WDPCP: variants seen among roughly 807,000 people sequenced by gnomAD.
WDPCP encodes WD repeat containing planar cell polarity effector.
Under a neutral mutation model 93.1 loss-of-function variants are expected in WDPCP, and 71 were observed. The observed-to-expected ratio is 0.76, with a 90% CI of 0.63 to 0.93. The LOEUF (loss-of-function observed/expected upper bound fraction) is 0.93. Among genes scored for constraint, WDPCP ranks in the 40% least tolerant of loss-of-function variants. The pLI is 0.00. For synonymous variants in WDPCP, 315 were observed against 315.0 expected (o/e 1.00, Z 0.00); for missense variants, 844 against 887.4 (o/e 0.95, Z 0.62).
chr2:63,128,071 G>A (rs991185681), intron 17 of WDPCP, among the ~76,000 whole-genome samples: 8 of 152,056 alleles, frequency 5.3e-5, no homozygotes, highest in South Asian at 4.2e-4. Context: ...CCCGGGAGGC[G>A]GAGGTTGCAG....
chr2:63,638,330 T>TAC (rs59283182), intron 3 of WDPCP, among the ~76,000 whole-genome samples: 10,475 of 149,846 alleles, frequency 0.07, 1,060 homozygotes, highest in African/African-American at 0.23. Context: ...CTCTCTCACA[T>TAC]ACACACACAC....
chr2:63,400,246 A>G (rs1165989931), intron 10 of WDPCP, among the ~76,000 whole-genome samples: 1 of 152,228 alleles, frequency 6.6e-6, no homozygotes, highest in East Asian at 1.9e-4. Context: ...TCATAATAAC[A>G]TTTTATTTTA....
At chr2:63,197,877 G>GAAT (rs1675576079) in intron 14 of WDPCP, among the ~76,000 whole-genome samples, 1 of 152,170 alleles carries the variant, frequency 6.6e-6, no homozygotes, top group Non-Finnish European at 1.5e-5. Context: ...GGATAATACA[G>GAAT]AATAATTTCT....
chr2:63,786,595 C>T (rs1453908118), intron 2 of WDPCP, among the ~76,000 whole-genome samples: 1 of 152,168 alleles, frequency 6.6e-6, no homozygotes, highest in Non-Finnish European at 1.5e-5. Flanking sequence ...CTTTAAGTGT[C>T]AGCCTCTCAC....
chr2:63,460,032 C>T (rs1293655622), intron 6 of WDPCP, among the ~76,000 whole-genome samples: 2 of 152,158 alleles, frequency 1.3e-5, no homozygotes, highest in Non-Finnish European at 2.9e-5. Context: ...TATCTGCACT[C>T]ACATGTTTAT....
At chr2:63,639,630 T>C (rs1709959516) in intron 3 of WDPCP, among the ~76,000 whole-genome samples, 1 of 152,162 alleles carries the variant, frequency 6.6e-6, no homozygotes, top group Non-Finnish European at 1.5e-5. Context: ...GGGATTAAAT[T>C]TCAACATGAG....
In WDPCP at chr2:63,809,304, C is replaced by T. The variant is rs552236077; in HGVS notation, n.308+4318G>A. 4.6e-3 allele frequency among the ~76,000 whole-genome samples: 691 copies of T among 150,980 alleles called. 2 individuals are homozygous for T. Among genetic ancestry groups the T allele is most frequent in the Admixed American group, 7.6e-3 (115 of 15,222 alleles). Reference sequence around the variant, plus strand: ...GGAGGGAGGTGGGGGTTCAGCCCCCCGCCCAGCCAGCCGCCCCGTCCGGGA... The same window carrying T: ...GGAGGGAGGTGGGGGTTCAGCCCCCTGCCCAGCCAGCCGCCCCGTCCGGGA... On this transcript the variant is annotated intron_variant and non_coding_transcript_variant, in intron 2 of 4. Coordinates refer to the WDPCP transcript ENST00000467687.
intron 12 of WDPCP, among the ~76,000 whole-genome samples, chr2:63,353,908 C>T (rs1049104018): frequency 6.6e-6 from 1 of 152,106 alleles, no homozygotes; most frequent in Admixed American, 6.6e-5. Flanking sequence ...TATGTGGTTG[C>T]CCATTCCCAT....
At chr2:63,210,766 G>A (rs922234134) in intron 14 of WDPCP, among the ~76,000 whole-genome samples, 4 of 152,144 alleles carry the variant, frequency 2.6e-5, no homozygotes, top group Admixed American at 1.3e-4. Context: ...CTAATACTGC[G>A]CTTTTCCAAT....
chr2:63,687,702 G>A (rs1295662403), intron 2 of WDPCP, among the ~76,000 whole-genome samples: 1 of 152,154 alleles, frequency 6.6e-6, no homozygotes, highest in African/African-American at 2.4e-5. Context: ...TGATGAGAAT[G>A]TGGAGAAAAA....
intron 12 of WDPCP, among the ~76,000 whole-genome samples, chr2:63,367,791 T>A (rs1263449261): frequency 1.3e-5 from 2 of 152,202 alleles, no homozygotes; most frequent in Admixed American, 1.3e-4. Flanking sequence ...AAACTTGAAT[T>A]AATGGGAGGG....
chr2:63,651,024 A>G (rs759440992), intron 2 of WDPCP, among the ~76,000 whole-genome samples: 2 of 152,202 alleles, frequency 1.3e-5, no homozygotes, highest in Non-Finnish European at 2.9e-5. Flanking sequence ...TCGAATACAA[A>G]GAGACAAACT....
chr2:63,822,568 T>A (rs1671038987), intron 1 of WDPCP, among the ~76,000 whole-genome samples: 1 of 152,092 alleles, frequency 6.6e-6, no homozygotes, highest in Admixed American at 6.6e-5. Flanking sequence ...TTTACACAGA[T>A]CTCAAAATAT....
chr2:63,125,569 A>T (rs1428954229), intron 17 of WDPCP, among the ~76,000 whole-genome samples: 1 of 152,148 alleles, frequency 6.6e-6, no homozygotes, highest in East Asian at 1.9e-4. Flanking sequence ...CTGGGACTGT[A>T]GGGATACACT....
intron 17 of WDPCP, among the ~76,000 whole-genome samples, chr2:63,142,269 T>G (rs947586073): frequency 2.0e-5 from 3 of 152,194 alleles, no homozygotes; most frequent in Non-Finnish European, 4.4e-5. Flanking sequence ...ATGTAGGTGC[T>G]TAGGGCTATG....
rs1159389678 is a variant in WDPCP, at chr2:63,550,190, GAAACACAC to G, written c.75+37999_75+38006del. On this transcript the variant is annotated intron_variant, in intron 1 of 17. Coordinates refer to ENST00000272321, the MANE Select transcript of WDPCP (RefSeq NM_015910.7). ...TAACTATATTTGTCTCCCATCTTAAGAAACACACACACACACACACACACACACACACA... is the reference window on the plus strand; with the variant it reads ...TAACTATATTTGTCTCCCATCTTAAGACACACACACACACACACACACACA... 3.3e-4 allele frequency among the ~76,000 whole-genome samples: 30 copies of G among 90,442 alleles called. No homozygotes were observed. The Admixed American group carries it at 4.0e-3, about 12-fold the overall frequency. The allele number at this position is 90,442 out of a possible 152,430, so 59.3% of individuals were successfully genotyped here. A position where few individuals can be genotyped will look rare whatever the true frequency, so the allele number is the denominator to read the frequency against.
chr2:63,696,206 G>A (rs1011850908), intron 2 of WDPCP, among the ~76,000 whole-genome samples: 1 of 152,152 alleles, frequency 6.6e-6, no homozygotes, highest in African/African-American at 2.4e-5. Flanking sequence ...CCAAGCAGGT[G>A]GTTTGGTTGA....
chr2:63,740,087 T>C (rs919603635), intron 2 of WDPCP, among the ~76,000 whole-genome samples: 1 of 152,170 alleles, frequency 6.6e-6, no homozygotes, highest in Admixed American at 6.6e-5. Flanking sequence ...CATTCTACTA[T>C]TGATGAGCAT....
intron 1 of WDPCP, among the ~76,000 whole-genome samples, chr2:63,544,337 A>G (rs573371309): frequency 2.6e-5 from 4 of 152,314 alleles, no homozygotes; most frequent in South Asian, 2.1e-4. Flanking sequence ...AAACTTTGTT[A>G]TCTTCAACTT....
Sources: allele counts gnomAD v4.1 joint callset (sites outside exome capture counted in the v4.1 genomes callset), GRCh38; gene constraint gnomAD v4.1.1; transcripts MANE v1.5; gene names NCBI Gene and HGNC (gene_info 2026-07-23, HGNC 2026-07-21).